CD164: variants seen among roughly 807,000 people sequenced by gnomAD.
The protein encoded by CD164 is CD164 molecule.
A neutral mutation model predicts 24.6 loss-of-function variants in CD164; 11 were observed. The observed-to-expected ratio is 0.45, with a 90% CI of 0.28 to 0.74. The LOEUF (loss-of-function observed/expected upper bound fraction) is 0.74, where lower values mean the gene tolerates loss of function less well. Among genes scored for constraint, CD164 ranks in the 30% least tolerant of loss-of-function variants. The pLI, the probability that CD164 is intolerant of heterozygous loss-of-function variation, is 0.13. For synonymous variants in CD164, 126 were observed against 100.3 expected (o/e 1.26, Z -1.53); for missense variants, 295 against 243.7 (o/e 1.21, Z -1.40).
chr6:109,380,945 A>G (rs1052524089), intron 1 of CD164, among the ~76,000 whole-genome samples: 1 of 152,236 alleles, frequency 6.6e-6, no homozygotes, highest in Non-Finnish European at 1.5e-5. Context: ...TGTTACCATT[A>G]CATCTTCCTT....
chr6:109,374,882 C>T (rs1771306911), intron 4 of CD164, among the ~76,000 whole-genome samples: 1 of 152,166 alleles, frequency 6.6e-6, no homozygotes, highest in African/African-American at 2.4e-5. Flanking sequence ...ACCCAATACA[C>T]ATTCCTTCTT....
intron 1 of CD164, 164 bp downstream of exon 1, chr6:109,382,040 G>C (rs996120880): frequency 7.3e-5 from 38 of 521,304 alleles, no homozygotes; most frequent in African/African-American, 6.8e-4. Flanking sequence ...CCGGCCACGA[G>C]TGGACTCCAG....
Position 109,382,439 on chromosome 6 carries a change from C to T in CD164, c.-61G>A. ...GGCTCGCAACGCTCAGTCAACCCCT[C>T]AATCCCCTGCGGCGCCGCCTCCGAG... is the stretch of plus-strand genomic sequence containing the variant. On this transcript the variant is annotated 5_prime_UTR_variant, in exon 1 of 6. Transcript: ENST00000310786. 4 of 1,394,156 alleles carry T rather than the reference C, an allele frequency of 2.9e-6. No homozygotes were observed. The South Asian group carries it at 4.4e-5, about 15-fold the overall frequency. 86.4% of individuals were successfully genotyped at this position (1,394,156 alleles called of 1,614,324 possible).
rs1770890583 is a variant in CD164, at chr6:109,368,438, A to C, written c.*413T>G. 3 of 1,400,138 alleles carry C rather than the reference A, an allele frequency of 2.1e-6. No homozygotes were observed. Among genetic ancestry groups the C allele is most frequent in the Non-Finnish European group, 2.8e-6 (3 of 1,080,316 alleles). The allele number at this position is 1,400,138 out of a possible 1,614,324, so 86.7% of individuals were successfully genotyped here. A position where few individuals can be genotyped will look rare whatever the true frequency, so the allele number is the denominator to read the frequency against. Reference sequence around the variant, plus strand: ...CTTTTGAAATGACAGCCAAAAATCCACCTAATTGATTCTCATTTGGCACGT... The same window carrying C: ...CTTTTGAAATGACAGCCAAAAATCCCCCTAATTGATTCTCATTTGGCACGT... On this transcript the variant is annotated 3_prime_UTR_variant, in exon 6 of 6. Transcript: ENST00000310786.
intron 5 of CD164, among the ~76,000 whole-genome samples, chr6:109,369,363 G>A (rs1016656914): frequency 1.3e-5 from 2 of 152,124 alleles, no homozygotes; most frequent in East Asian, 1.9e-4. Flanking sequence ...GAGTGTAAAC[G>A]TCAATAGTGC....
In CD164 at chr6:109,379,559, G is replaced by C. The variant is rs142190227; in HGVS notation, c.259+20C>G. ...TAAAATGCTATAACAAAACAGTTTT[G>C]CATCCCCAAAGTTTCTTACCTTTAC... On this transcript the variant is annotated intron_variant, in intron 2 of 5. Transcript: ENST00000310786. The C allele has an allele frequency of 5.0e-4, 770 of 1,549,384 alleles. 4 individuals carry two copies. The African/African-American group carries it at 9.6e-3, about 19-fold the overall frequency.
At chr6:109,382,075 G>T in intron 1 of CD164, 129 bp downstream of exon 1, 1 of 779,936 alleles carries the variant, frequency 1.3e-6, no homozygotes, top group Non-Finnish European at 1.7e-6. Context: ...TGCCGGAGTC[G>T]CCGCCGCACC....
At chr6:109,377,818 G>A (rs1321942263) in intron 3 of CD164, 82 bp downstream of exon 3, 6 of 931,240 alleles carry the variant, frequency 6.4e-6, no homozygotes, top group Non-Finnish European at 1.1e-5. Flanking sequence ...TTCAAACAAA[G>A]CACTGAAACA....
Position 109,382,392 on chromosome 6 carries a change from C to A in CD164, c.-14G>T, listed in dbSNP as rs746691725. The A allele has an allele frequency of 5.3e-6, 8 of 1,514,410 alleles. No individual in the cohort carries two copies. Among genetic ancestry groups the A allele is most frequent in the South Asian group, 2.5e-5 (2 of 81,068 alleles). The allele number at this position is 1,514,410 out of a possible 1,614,324, so 93.8% of individuals were successfully genotyped here. On this transcript the variant is annotated 5_prime_UTR_variant, in exon 1 of 6. Transcript: ENST00000310786. ...GAGCCGCGACATCGTGTCCTCAGCG[C>A]TGGCGTTCGGGAGAAAGCTAAGGCT...
At chr6:109,378,927 A>G (rs972395913) in intron 2 of CD164, among the ~76,000 whole-genome samples, 13 of 151,724 alleles carry the variant, frequency 8.6e-5, no homozygotes, top group African/African-American at 2.9e-4. Context: ...TGTTTTACTG[A>G]TAAGTGCAAC....
intron 3 of CD164, among the ~76,000 whole-genome samples, chr6:109,376,592 A>C (rs1389663216): frequency 6.6e-6 from 1 of 152,338 alleles, no homozygotes; most frequent in South Asian, 2.1e-4. Context: ...CTTCCTTTAC[A>C]TGAGAGAAAA....
rs1043486799 is a variant in CD164, at chr6:109,370,716, A to G, written c.371-249T>C. On this transcript the variant is annotated intron_variant, in intron 4 of 5. Coordinates refer to ENST00000310786, the MANE Select transcript of CD164 (RefSeq NM_006016.6). The stretch of plus-strand genomic sequence containing the variant: ...TATGTATCTATCTTGTATAAAATCT[A>G]TGTATACATCTGGATAAAATTTGCG... 18 of 384,454 alleles carry G rather than the reference A, an allele frequency of 4.7e-5. No individual in the cohort carries two copies. In the East Asian group the frequency reaches 1.0e-3, roughly 22 times the overall value. The allele number at this position is 384,454 out of a possible 1,614,324, so 23.8% of individuals were successfully genotyped here. A position where few individuals can be genotyped will look rare whatever the true frequency, so the allele number is the denominator to read the frequency against.
At chr6:109,376,207 T>TA in intron 3 of CD164, 95 bp from the exon 4 acceptor site, 1 of 801,948 alleles carries the variant, frequency 1.2e-6, no homozygotes, top group Non-Finnish European at 1.8e-6. Context: ...ATCATTTGAG[T>TA]ACTTTTCACA....
At chr6:109,375,883 A>G in intron 4 of CD164, 191 bp downstream of exon 4, 1 of 539,022 alleles carries the variant, frequency 1.9e-6, no homozygotes, top group South Asian at 2.6e-5. Flanking sequence ...CACCGACTAT[A>G]AAACACTGGA....
At chr6:109,375,626 A>AAAAAAAAAAAAAAAAAAAAG (rs1554215557) in intron 4 of CD164, among the ~76,000 whole-genome samples, 4 of 147,660 alleles carry the variant, frequency 2.7e-5, no homozygotes, top group African/African-American at 9.9e-5. Context: ...CCAAAAAAAA[A>AAAAAAAAAAAAAAAAAAAAG]AAAAGAAAAG....
In CD164 at chr6:109,368,675, A is replaced by G; in HGVS notation, c.*176T>C. 10 of 1,380,392 alleles carry G rather than the reference A, an allele frequency of 7.2e-6. No homozygotes were observed. Among genetic ancestry groups the G allele is most frequent in the Non-Finnish European group, 9.3e-6 (10 of 1,072,998 alleles). 85.5% of individuals were successfully genotyped at this position (1,380,392 alleles called of 1,614,324 possible). A position where few individuals can be genotyped will look rare whatever the true frequency, so the allele number is the denominator to read the frequency against. On this transcript the variant is annotated 3_prime_UTR_variant, in exon 6 of 6. Transcript: ENST00000310786. ...ATTTTAAATATTCCTGTTGAACACA[A>G]TGATTTAATTGATTTTTTCTTCACG...
chr6:109,382,414 GGCTC>G lies in CD164; in HGVS notation c.-40_-37del. ...GCGCTGGCGTTCGGGAGAAAGCTAA[GGCTC>G]GCAACGCTCAGTCAACCCCTCAATC... On this transcript the variant is annotated 5_prime_UTR_variant, in exon 1 of 6. Coordinates refer to ENST00000310786, the MANE Select transcript of CD164 (RefSeq NM_006016.6). 8 of 1,475,840 alleles carry G rather than the reference GGCTC, an allele frequency of 5.4e-6. No homozygotes were observed. The highest frequency in any genetic ancestry group is 7.2e-6 in the Non-Finnish European group (8 of 1,110,010). 91.4% of individuals were successfully genotyped at this position (1,475,840 alleles called of 1,614,324 possible).
At chr6:109,376,714 T>C (rs546546387) in intron 3 of CD164, among the ~76,000 whole-genome samples, 3 of 152,360 alleles carry the variant, frequency 2.0e-5, no homozygotes, top group East Asian at 3.9e-4. Context: ...AATACAGTTT[T>C]CCTTTAAATC....
intron 2 of CD164, among the ~76,000 whole-genome samples, chr6:109,378,194 C>A (rs889252306): frequency 1.3e-5 from 2 of 152,188 alleles, no homozygotes; most frequent in Non-Finnish European, 2.9e-5. Flanking sequence ...TAACTTTTAT[C>A]CATTAAAAAT....
Sources: gnomAD v4.1 joint callset for allele counts (sites outside exome capture counted in the v4.1 genomes callset) on GRCh38, gnomAD v4.1.1 for gene constraint, MANE v1.5 for transcripts, NCBI Gene and HGNC (gene_info 2026-07-23, HGNC 2026-07-21) for gene names.